COP1: variants seen among roughly 807,000 people sequenced by gnomAD.
The protein encoded by COP1 is E3 ubiquitin-protein ligase COP1.
In COP1, 24 loss-of-function variants were observed where a neutral mutation model predicts 101.3. That is an observed-to-expected ratio of 0.24 (90% confidence interval 0.17 to 0.33). The LOEUF (loss-of-function observed/expected upper bound fraction) is 0.33, where lower values mean the gene tolerates loss of function less well. Ranked by LOEUF, COP1 falls within the 10% of genes least tolerant of loss-of-function variation. The pLI, the probability that COP1 is intolerant of heterozygous loss-of-function variation, is 1.00. For missense variants in COP1, 663 were observed against 906.2 expected, an observed-to-expected ratio of 0.73 and a Z score of 3.45; for synonymous variants, 347 against 341.9, an observed-to-expected ratio of 1.01 and a Z score of -0.17.
At chr1:176,122,229 T>C (rs951353742) in intron 8 of COP1, among the ~76,000 whole-genome samples, 1 of 152,014 alleles carries the variant, frequency 6.6e-6, no homozygotes, top group Non-Finnish European at 1.5e-5. Flanking sequence ...TTGCAACCTA[T>C]TTAAAGGTAA....
intron 11 of COP1, among the ~76,000 whole-genome samples, chr1:176,078,645 G>T (rs770841376): frequency 1.3e-5 from 2 of 150,714 alleles, no homozygotes; most frequent in Non-Finnish European, 3.0e-5. Flanking sequence ...ATTGACAAGT[G>T]GGACCTAATT....
intron 9 of COP1, among the ~76,000 whole-genome samples, chr1:176,109,554 T>C (rs1684926206): frequency 1.3e-5 from 2 of 152,218 alleles, no homozygotes; most frequent in South Asian, 2.1e-4. Flanking sequence ...ATTGTACTAA[T>C]GAACTTTACA....
At chr1:175,947,370 ATTT>A (rs34272809) in intron 18 of COP1, 131 bp from the exon 19 acceptor site, 1,214 of 487,382 alleles carry the variant, frequency 2.5e-3, no homozygotes, top group South Asian at 3.1e-3. Context: ...TGAAGATACA[ATTT>A]TTTTTTTTTT....
chr1:176,082,355 A>T (rs1264565508), intron 10 of COP1, among the ~76,000 whole-genome samples: 1 of 152,224 alleles, frequency 6.6e-6, no homozygotes, highest in East Asian at 1.9e-4. Context: ...GAAGTATAGT[A>T]AGCATAATAA....
chr1:176,039,393 T>C (rs1670130254), intron 14 of COP1, among the ~76,000 whole-genome samples: 1 of 150,932 alleles, frequency 6.6e-6, no homozygotes, highest in African/African-American at 2.4e-5. Flanking sequence ...TTTAGAAAAC[T>C]AGGAAAATAA....
At chr1:176,110,599 C>G (rs1685110068) in intron 9 of COP1, among the ~76,000 whole-genome samples, 2 of 152,074 alleles carry the variant, frequency 1.3e-5, no homozygotes, top group African/African-American at 2.4e-5. Flanking sequence ...TTGCTTTTGT[C>G]CAGTGAGGTG....
chr1:175,953,483 C>T (rs943539159), intron 18 of COP1, among the ~76,000 whole-genome samples: 7 of 151,870 alleles, frequency 4.6e-5, no homozygotes, highest in Non-Finnish European at 7.4e-5. Flanking sequence ...TTAGGCTGGG[C>T]GCGGTGGCTC....
chr1:176,001,023 T>C (rs907236183), intron 15 of COP1, among the ~76,000 whole-genome samples: 1 of 152,244 alleles, frequency 6.6e-6, no homozygotes, highest in South Asian at 2.1e-4. Flanking sequence ...CTATGTTACA[T>C]GTTCATCAAC....
At chr1:176,016,491 G>A (rs1010727068) in intron 15 of COP1, among the ~76,000 whole-genome samples, 4 of 152,162 alleles carry the variant, frequency 2.6e-5, no homozygotes, top group Middle Eastern at 3.2e-3. Context: ...CTATGTAAGG[G>A]TAGGAGCAGA....
intron 11 of COP1, among the ~76,000 whole-genome samples, chr1:176,066,146 C>G (rs528469431): frequency 6.6e-6 from 1 of 152,292 alleles, no homozygotes; most frequent in Admixed American, 6.5e-5. Flanking sequence ...ACCCTAGAAG[C>G]TCAAAGTCCC....
chr1:176,157,177 AAG>A (rs1188802121), intron 5 of COP1, among the ~76,000 whole-genome samples: 1 of 152,042 alleles, frequency 6.6e-6, no homozygotes, highest in Admixed American at 6.6e-5. Context: ...CTGAGTGACA[AAG>A]AGAGACTCCA....
At chr1:175,961,886 G>A (rs1199257067) in intron 18 of COP1, among the ~76,000 whole-genome samples, 4 of 150,420 alleles carry the variant, frequency 2.7e-5, no homozygotes, top group Admixed American at 1.3e-4. Flanking sequence ...AAAGGGACAC[G>A]GTCATGCACA....
intron 11 of COP1, among the ~76,000 whole-genome samples, chr1:176,057,373 CT>C (rs1673741475): frequency 6.6e-6 from 1 of 152,212 alleles, no homozygotes; most frequent in Non-Finnish European, 1.5e-5. Context: ...CACGATCTCC[CT>C]CTGATGCCGA....
intron 15 of COP1, among the ~76,000 whole-genome samples, chr1:176,024,469 G>A (rs575505675): frequency 8.6e-5 from 13 of 151,916 alleles, no homozygotes; most frequent in Non-Finnish European, 1.6e-4. Context: ...AGCAAACTAG[G>A]AACAGATAAA....
intron 9 of COP1, among the ~76,000 whole-genome samples, chr1:176,088,566 A>G (rs759742928): frequency 2.6e-5 from 4 of 152,124 alleles, no homozygotes; most frequent in Non-Finnish European, 4.4e-5. Context: ...TATGTGTTTT[A>G]CCTCCATTTC....
chr1:176,105,954 G>A (rs1162639639), intron 9 of COP1, among the ~76,000 whole-genome samples: 1 of 152,146 alleles, frequency 6.6e-6, no homozygotes, highest in Admixed American at 6.5e-5. Flanking sequence ...TAACCTCCAA[G>A]CTGTCCTTGT....
intron 8 of COP1, among the ~76,000 whole-genome samples, chr1:176,132,024 C>A (rs991143434): frequency 6.6e-6 from 1 of 151,348 alleles, no homozygotes; most frequent in African/African-American, 2.4e-5. Context: ...GTATGTTTTA[C>A]GAGATCTGCT....
At chr1:175,978,268 T>C (rs1270874746) in intron 18 of COP1, among the ~76,000 whole-genome samples, 2 of 152,156 alleles carry the variant, frequency 1.3e-5, no homozygotes, top group African/African-American at 4.8e-5. Context: ...ATCATTCTAA[T>C]GTAGGTCAAA....
At chr1:176,018,257 T>C (rs1359281598) in intron 15 of COP1, among the ~76,000 whole-genome samples, 1 of 152,230 alleles carries the variant, frequency 6.6e-6, no homozygotes, top group Non-Finnish European at 1.5e-5. Context: ...CAATTACTTA[T>C]CTGCACATTA....
Sources: allele counts gnomAD v4.1 joint callset (sites outside exome capture counted in the v4.1 genomes callset), GRCh38; gene constraint gnomAD v4.1.1; transcripts MANE v1.5; gene names NCBI Gene and HGNC (gene_info 2026-07-23, HGNC 2026-07-21).